The following PLXDC2 variants were observed in gnomAD, a reference collection of about 807,000 sequenced individuals.
The protein encoded by PLXDC2 is plexin domain-containing protein 2.
A neutral mutation model predicts 68.9 loss-of-function variants in PLXDC2; 40 were observed. The observed-to-expected ratio is 0.58, with a 90% CI of 0.45 to 0.76. The LOEUF is 0.76. PLXDC2 is among the 30% of genes least tolerant of loss of function. PLXDC2 has a pLI of 0.00. For missense variants in PLXDC2, 644 were observed against 661.9 expected, an observed-to-expected ratio of 0.97 and a Z score of 0.30; for synonymous variants, 243 against 234.2, an observed-to-expected ratio of 1.04 and a Z score of -0.34.
intron 2 of PLXDC2, among the ~76,000 whole-genome samples, chr10:20,038,101 T>G (rs959555965): frequency 6.6e-6 from 1 of 152,000 alleles, no homozygotes. Context: ...CCGGAAGTGG[T>G]GGCACATGCC....
At chr10:19,841,533 CA>C (rs1386212583) in intron 1 of PLXDC2, among the ~76,000 whole-genome samples, 7 of 132,590 alleles carry the variant, frequency 5.3e-5, no homozygotes, top group Non-Finnish European at 1.1e-4. Context: ...TGGTGTGTTT[CA>C]GGGTTTTTTT....
At chr10:20,014,357 TC>T in intron 2 of PLXDC2, among the ~76,000 whole-genome samples, 1 of 65,788 alleles carries the variant, frequency 1.5e-5, no homozygotes, top group Non-Finnish European at 3.4e-5. Flanking sequence ...TCCTTCCCTT[TC>T]CTTCCTTCCT....
At chr10:20,021,856 G>A (rs1034341200) in intron 2 of PLXDC2, among the ~76,000 whole-genome samples, 2 of 151,952 alleles carry the variant, frequency 1.3e-5, no homozygotes, top group African/African-American at 2.4e-5. Flanking sequence ...GCGCCACCAG[G>A]CCCAGCTAAT....
chr10:19,885,210 T>A (rs1469690923), intron 1 of PLXDC2, among the ~76,000 whole-genome samples: 2 of 152,054 alleles, frequency 1.3e-5, no homozygotes, highest in Non-Finnish European at 2.9e-5. Context: ...GTTTGTTTTT[T>A]TCTTGTAAAT....
At chr10:19,882,937 T>A (rs1169628347) in intron 1 of PLXDC2, among the ~76,000 whole-genome samples, 7 of 7,850 alleles carry the variant, frequency 8.9e-4, no homozygotes, top group Non-Finnish European at 4.1e-4. Context: ...CAATTAAAAT[T>A]TTTTTTTTTT....
chr10:20,079,108 A>G (rs1313398752), intron 4 of PLXDC2, among the ~76,000 whole-genome samples: 1 of 152,178 alleles, frequency 6.6e-6, no homozygotes, highest in Non-Finnish European at 1.5e-5. Context: ...CACTTAAGAA[A>G]AGAGAAGTAA....
intron 4 of PLXDC2, chr10:20,091,728 C>A (rs1833279452): frequency 6.6e-6 from 1 of 152,188 alleles, no homozygotes; most frequent in South Asian, 2.1e-4. Flanking sequence ...TCCTCAGATT[C>A]CTTACCTGGA....
Position 19,928,192 on chromosome 10 carries a change from G to A in PLXDC2, c.113-73583G>A, listed in dbSNP as rs572535282. On this transcript the variant is annotated intron_variant, in intron 1 of 13. Coordinates refer to ENST00000377252, the MANE Select transcript of PLXDC2 (RefSeq NM_032812.9). ...ATGACATATTCTTTGTCCACTCATT[G>A]GTTGATGGGCACTTAGGTTGATTCC... 2.0e-5 allele frequency among the ~76,000 whole-genome samples: 3 copies of A among 152,196 alleles called. No homozygotes were observed. The South Asian group carries it at 6.2e-4, about 32-fold the overall frequency.
At chr10:20,264,413 A>G (rs1835845693) in intron 13 of PLXDC2, among the ~76,000 whole-genome samples, 1 of 152,196 alleles carries the variant, frequency 6.6e-6, no homozygotes, top group Non-Finnish European at 1.5e-5. Flanking sequence ...AATCCTTATT[A>G]CATGTGTTTA....
chr10:20,009,379 T>G (rs1285055695), intron 2 of PLXDC2, among the ~76,000 whole-genome samples: 6 of 152,154 alleles, frequency 3.9e-5, no homozygotes, highest in African/African-American at 1.4e-4. Flanking sequence ...GGAGTTTTTG[T>G]GTGTGAAATA....
At chr10:19,834,637 T>C (rs1836756665) in intron 1 of PLXDC2, among the ~76,000 whole-genome samples, 1 of 152,232 alleles carries the variant, frequency 6.6e-6, no homozygotes, top group Non-Finnish European at 1.5e-5. Flanking sequence ...CAAAATTGGC[T>C]CAAGATGTAA....
intron 4 of PLXDC2, among the ~76,000 whole-genome samples, chr10:20,092,741 T>C (rs1348374956): frequency 6.6e-6 from 1 of 151,866 alleles, no homozygotes; most frequent in East Asian, 1.9e-4. Context: ...TTGTGCTGGA[T>C]TGTCAAGGTC....
At chr10:20,146,285 C>T (rs1428229293) in intron 5 of PLXDC2, among the ~76,000 whole-genome samples, 2 of 150,230 alleles carry the variant, frequency 1.3e-5, no homozygotes, top group African/African-American at 2.4e-5. Flanking sequence ...TGGGAGGTTT[C>T]CTGGCTACTG....
chr10:19,894,900 C>G (rs1589524015), intron 1 of PLXDC2, among the ~76,000 whole-genome samples: 1 of 152,208 alleles, frequency 6.6e-6, no homozygotes, highest in African/African-American at 2.4e-5. Context: ...CTAGAAATAC[C>G]ATTTGACCCA....
intron 3 of PLXDC2, among the ~76,000 whole-genome samples, chr10:20,059,819 C>T (rs958793340): frequency 6.6e-6 from 1 of 152,142 alleles, no homozygotes; most frequent in Non-Finnish European, 1.5e-5. Context: ...TATTAGTTAT[C>T]CTGCCCACTA....
chr10:19,909,179 T>G (rs1391648158), intron 1 of PLXDC2, among the ~76,000 whole-genome samples: 1 of 152,140 alleles, frequency 6.6e-6, no homozygotes, highest in Non-Finnish European at 1.5e-5. Flanking sequence ...GTGACTAGTC[T>G]CATAAAAGCT....
intron 1 of PLXDC2, among the ~76,000 whole-genome samples, chr10:19,896,154 A>C (rs1838054587): frequency 6.6e-6 from 1 of 152,198 alleles, no homozygotes; most frequent in Non-Finnish European, 1.5e-5. Flanking sequence ...TGACTCAGCC[A>C]CCAATCAGGC....
intron 3 of PLXDC2, among the ~76,000 whole-genome samples, chr10:20,066,147 T>G (rs1836207389): frequency 6.6e-6 from 1 of 152,218 alleles, no homozygotes; most frequent in African/African-American, 2.4e-5. Flanking sequence ...TAGTGGTAAC[T>G]AAGGAAAACT....
intron 12 of PLXDC2, among the ~76,000 whole-genome samples, chr10:20,230,053 C>A (rs1042533743): frequency 6.6e-6 from 1 of 152,036 alleles, no homozygotes; most frequent in Admixed American, 6.6e-5. Context: ...CAGATGAACA[C>A]AAAGAAAATG....
Sources: gnomAD v4.1 joint callset for allele counts (sites outside exome capture counted in the v4.1 genomes callset) on GRCh38, gnomAD v4.1.1 for gene constraint, MANE v1.5 for transcripts, NCBI Gene and HGNC (gene_info 2026-07-23, HGNC 2026-07-21) for gene names.